Variants in TSHZ2 observed in about 807,000 individuals in gnomAD.
TSHZ2 encodes the protein teashirt zinc finger homeobox 2.
TSHZ2 carries 21 observed loss-of-function variants against 74.4 expected under a neutral mutation model. That is an observed-to-expected ratio of 0.28 (90% confidence interval 0.20 to 0.41). The LOEUF is 0.41. Among genes scored for constraint, TSHZ2 ranks in the 10% least tolerant of loss-of-function variants. TSHZ2 has a pLI of 1.00. For synonymous variants in TSHZ2, 540 were observed against 515.3 expected (o/e 1.05, Z -0.65); for missense variants, 1,244 against 1,293.5 (o/e 0.96, Z 0.59).
At chr20:53,257,970 G>A (rs1990517571) in intron 2 of TSHZ2, among the ~76,000 whole-genome samples, 1 of 152,080 alleles carries the variant, frequency 6.6e-6, no homozygotes, top group Admixed American at 6.5e-5. Context: ...ATGGCTTTGG[G>A]CTTGCCTCAC....
chr20:53,237,855 T>C (rs751759861), intron 1 of TSHZ2, among the ~76,000 whole-genome samples: 64 of 152,182 alleles, frequency 4.2e-4, no homozygotes, highest in Non-Finnish European at 1.3e-4. Flanking sequence ...ATGCAGATTA[T>C]TGACACAATA....
chr20:53,235,047 C>T (rs955323650), intron 1 of TSHZ2, among the ~76,000 whole-genome samples: 11 of 148,540 alleles, frequency 7.4e-5, no homozygotes, highest in Non-Finnish European at 1.3e-4. Flanking sequence ...CCCCTAGGAG[C>T]GCACCTCGTC....
intron 2 of TSHZ2, among the ~76,000 whole-genome samples, chr20:53,415,468 T>C (rs949060705): frequency 6.6e-6 from 1 of 151,816 alleles, no homozygotes; most frequent in Admixed American, 6.6e-5. Flanking sequence ...CCCTTCTTCC[T>C]CTTCCTCCAG....
intron 1 of TSHZ2, among the ~76,000 whole-genome samples, chr20:52,990,040 T>C (rs1281626387): frequency 6.6e-6 from 1 of 152,054 alleles, no homozygotes; most frequent in African/African-American, 2.4e-5. Flanking sequence ...CATTTATCGG[T>C]TCCTCTGTTA....
intron 1 of TSHZ2, among the ~76,000 whole-genome samples, chr20:53,128,971 CT>C (rs1987026240): frequency 6.6e-6 from 1 of 152,084 alleles, no homozygotes; most frequent in Non-Finnish European, 1.5e-5. Context: ...TCATAACCCC[CT>C]CTGTTGAGCA....
chr20:53,314,405 T>A lies in TSHZ2; in HGVS notation c.*8+57834T>A, dbSNP rs150398534. On this transcript the variant is annotated intron_variant, in intron 2 of 2. Coordinates refer to ENST00000371497, the MANE Select transcript of TSHZ2 (RefSeq NM_173485.6). ...GCAAAGGTTTGTTATTTCTTTGATT[T>A]CTTTCATTCTGTGGGTCAGGAATTC... Among the ~76,000 whole-genome samples the A allele has an allele frequency of 4.2e-3, 633 of 152,288 alleles. 3 individuals carry two copies. The highest frequency in any genetic ancestry group is 0.015 in the African/African-American group (607 of 41,564).
chr20:52,987,836 A>G (rs1981830891), intron 1 of TSHZ2, among the ~76,000 whole-genome samples: 1 of 152,196 alleles, frequency 6.6e-6, no homozygotes, highest in Non-Finnish European at 1.5e-5. Context: ...GTTCCAGATC[A>G]GTGAGACAAG....
chr20:53,307,613 A>C lies in TSHZ2; in HGVS notation c.*8+51042A>C, dbSNP rs376154197. On this transcript the variant is annotated intron_variant, in intron 2 of 2. Coordinates refer to ENST00000371497, the MANE Select transcript of TSHZ2 (RefSeq NM_173485.6). ...AATCTGTAAGAGTGGGCCTGGATGT[A>C]GGGCTTTTTTTCTAACTTTTTAAAA... Among the ~76,000 whole-genome samples the C allele has an allele frequency of 5.9e-5, 9 of 152,174 alleles. 1 individual carries two copies. Among genetic ancestry groups the C allele is most frequent in the Admixed American group, 3.3e-4 (5 of 15,288 alleles).
At chr20:53,075,745 T>C (rs1985345644) in intron 1 of TSHZ2, among the ~76,000 whole-genome samples, 2 of 152,056 alleles carry the variant, frequency 1.3e-5, no homozygotes, top group Non-Finnish European at 2.9e-5. Context: ...CTTGGGGTGA[T>C]GGATTTTCAG....
At chr20:53,262,949 G>A (rs992870125) in intron 2 of TSHZ2, among the ~76,000 whole-genome samples, 6 of 152,158 alleles carry the variant, frequency 3.9e-5, no homozygotes, top group South Asian at 2.1e-4. Flanking sequence ...GAGAACATTC[G>A]CCTCCAGAAG....
chr20:53,380,189 T>C (rs903403775), intron 2 of TSHZ2, among the ~76,000 whole-genome samples: 4 of 151,966 alleles, frequency 2.6e-5, no homozygotes, highest in Non-Finnish European at 5.9e-5. Context: ...TTATAAAAGG[T>C]TTATTTAAAA....
At chr20:53,448,186 C>T (rs781078614) in intron 2 of TSHZ2, among the ~76,000 whole-genome samples, 25 of 152,150 alleles carry the variant, frequency 1.6e-4, no homozygotes, top group Non-Finnish European at 7.3e-5. Flanking sequence ...AGACTTTAAT[C>T]GGGTGCTGCA....
At chr20:53,297,949 C>T (rs1484921636) in intron 2 of TSHZ2, among the ~76,000 whole-genome samples, 1 of 152,164 alleles carries the variant, frequency 6.6e-6, no homozygotes, top group Non-Finnish European at 1.5e-5. Context: ...TGAAATTGTA[C>T]AAAATGTCGA....
chr20:53,136,840 A>AT (rs535030173), intron 1 of TSHZ2, among the ~76,000 whole-genome samples: 1 of 151,488 alleles, frequency 6.6e-6, no homozygotes, highest in Non-Finnish European at 1.5e-5. Flanking sequence ...AGATGTTTGG[A>AT]TTTTTTTTCC....
At chr20:53,306,407 A>G (rs1978546445) in intron 2 of TSHZ2, among the ~76,000 whole-genome samples, 1 of 152,190 alleles carries the variant, frequency 6.6e-6, no homozygotes, top group African/African-American at 2.4e-5. Flanking sequence ...GAAGCACAGC[A>G]GAGAGAGGTG....
At chr20:53,073,686 A>G (rs1400066394) in intron 1 of TSHZ2, among the ~76,000 whole-genome samples, 1 of 152,178 alleles carries the variant, frequency 6.6e-6, no homozygotes, top group East Asian at 1.9e-4. Flanking sequence ...ATGCTTTTCA[A>G]CAGTCCAGGA....
chr20:53,152,863 A>G (rs1010636773), intron 1 of TSHZ2, among the ~76,000 whole-genome samples: 2 of 152,340 alleles, frequency 1.3e-5, no homozygotes, highest in Admixed American at 6.5e-5. Context: ...AATTACATTT[A>G]TAACATGGTG....
At chr20:53,142,320 C>A (rs1259552650) in intron 1 of TSHZ2, among the ~76,000 whole-genome samples, 3 of 152,208 alleles carry the variant, frequency 2.0e-5, no homozygotes, top group Non-Finnish European at 4.4e-5. Flanking sequence ...CTCCACAGGG[C>A]TTCCGGTTCA....
In TSHZ2 at chr20:53,407,248, T is replaced by C. The variant is rs570888957; in HGVS notation, c.*9-79896T>C. On this transcript the variant is annotated intron_variant, in intron 2 of 2. Transcript: ENST00000371497. ...GCTTTCTGCTGCAATGCAGAGCAAT[T>C]CAGCTTGGCCCCCAATCCACCCACC... Among the ~76,000 whole-genome samples the C allele has an allele frequency of 4.6e-5, 7 of 152,314 alleles. No individual in the cohort carries two copies. In the South Asian group the frequency reaches 1.0e-3, roughly 23 times the overall value.
Sources: gnomAD v4.1 joint callset for allele counts (sites outside exome capture counted in the v4.1 genomes callset) on GRCh38, gnomAD v4.1.1 for gene constraint, MANE v1.5 for transcripts, NCBI Gene and HGNC (gene_info 2026-07-23, HGNC 2026-07-21) for gene names.